FAF1: variants seen among roughly 807,000 people sequenced by gnomAD.
The protein encoded by FAF1 is Fas associated factor 1, also known as FAS-associated factor 1.
A neutral mutation model predicts 92.5 loss-of-function variants in FAF1; 25 were observed. The observed-to-expected ratio is 0.27, with a 90% confidence interval of 0.20 to 0.38. The LOEUF is 0.38. Among genes scored for constraint, FAF1 ranks in the 10% least tolerant of loss-of-function variants. The pLI, the probability that FAF1 is intolerant of heterozygous loss-of-function variation, is 1.00. For synonymous variants in FAF1, 234 were observed against 273.2 expected, an observed-to-expected ratio of 0.86 and a Z score of 1.42; for missense variants, 636 against 793.3, an observed-to-expected ratio of 0.80 and a Z score of 2.38.
intron 2 of FAF1, among the ~76,000 whole-genome samples, chr1:50,824,577 G>C (rs1644076175): frequency 6.6e-6 from 1 of 152,054 alleles, no homozygotes. Context: ...AAAAACTAAA[G>C]ACAGATTTAC....
intron 4 of FAF1, 37 bp downstream of exon 4, chr1:50,787,962 AT>A: frequency 6.5e-7 from 1 of 1,531,052 alleles, no homozygotes; most frequent in South Asian, 1.1e-5. Flanking sequence ...TTACCTAATT[AT>A]TTATTTGTGA....
intron 4 of FAF1, among the ~76,000 whole-genome samples, chr1:50,771,737 G>C (rs12569177): frequency 0.45 from 67,626 of 151,816 alleles, 16,019 homozygotes; most frequent in African/African-American, 0.58. Context: ...CCCTTCTCTA[G>C]TAAAAATACA....
intron 2 of FAF1, among the ~76,000 whole-genome samples, chr1:50,831,134 G>A (rs1280180662): frequency 6.6e-6 from 1 of 151,598 alleles, no homozygotes; most frequent in Admixed American, 6.6e-5. Context: ...ACAAAGCAGG[G>A]ATTTTTTTTT....
intron 4 of FAF1, among the ~76,000 whole-genome samples, chr1:50,756,886 C>T (rs917134222): frequency 2.6e-5 from 4 of 152,214 alleles, no homozygotes; most frequent in Non-Finnish European, 5.9e-5. Flanking sequence ...ACTCAATTAC[C>T]TCCCATCAGG....
intron 3 of FAF1, among the ~76,000 whole-genome samples, chr1:50,796,020 A>T (rs1052023447): frequency 6.6e-6 from 1 of 152,094 alleles, no homozygotes. Flanking sequence ...TCAAAAATGA[A>T]GGTGAAAGAT....
chr1:50,626,949 A>C (rs567678568), intron 8 of FAF1, among the ~76,000 whole-genome samples: 16 of 152,274 alleles, frequency 1.1e-4, no homozygotes, highest in African/African-American at 2.4e-4. Context: ...GAAATTAAGA[A>C]TAACTCTTAT....
intron 17 of FAF1, among the ~76,000 whole-genome samples, chr1:50,490,304 G>A (rs965144478): frequency 2.0e-5 from 3 of 151,816 alleles, no homozygotes; most frequent in Non-Finnish European, 4.4e-5. Context: ...AGGCTACAAC[G>A]AGCCGAGATG....
chr1:50,441,476 G>C lies in FAF1; in HGVS notation c.1917C>G (p.Phe639Leu). ...CTTCAAGGAAAAGGGTTTCTTGAGG[G>C]AACAACTTTACCTCCAATAATGATT... is the stretch of plus-strand genomic sequence containing the variant. ...PNKSLLEVKL[F>L]PQETLFLEAK... Residue 639 changes from phenylalanine to leucine, a missense_variant, in exon 19 of 19, where the codon TTC becomes TTG. By Grantham distance (22) the Phe-to-Leu change is conservative. Transcript: ENST00000396153. 1 of 1,545,378 alleles carries C rather than the reference G, an allele frequency of 6.5e-7. No individual in the cohort carries two copies. The highest frequency in any genetic ancestry group is 8.8e-7 in the Non-Finnish European group (1 of 1,142,114).
intron 17 of FAF1, among the ~76,000 whole-genome samples, chr1:50,487,368 A>T (rs1331138275): frequency 6.6e-6 from 1 of 152,170 alleles, no homozygotes; most frequent in African/African-American, 2.4e-5. Flanking sequence ...CTTGTGCTAG[A>T]TTATCTGTTG....
intron 2 of FAF1, among the ~76,000 whole-genome samples, chr1:50,819,374 G>A (rs1343270018): frequency 2.6e-5 from 4 of 151,502 alleles, no homozygotes; most frequent in Non-Finnish European, 5.9e-5. Context: ...CAGCACTTTG[G>A]GAGATTGAGG....
intron 8 of FAF1, among the ~76,000 whole-genome samples, chr1:50,631,547 A>C (rs948002004): frequency 6.6e-6 from 1 of 152,216 alleles, no homozygotes; most frequent in African/African-American, 2.4e-5. Flanking sequence ...CAGATATGAC[A>C]AAGAGAAGCC....
intron 1 of FAF1, among the ~76,000 whole-genome samples, chr1:50,936,209 C>T (rs1486247966): frequency 1.3e-5 from 2 of 152,154 alleles, no homozygotes; most frequent in Non-Finnish European, 2.9e-5. Context: ...GTAACATATA[C>T]TTCCTGGCTG....
intron 1 of FAF1, among the ~76,000 whole-genome samples, chr1:50,942,962 C>T (rs1645145449): frequency 1.3e-5 from 2 of 152,220 alleles, no homozygotes; most frequent in African/African-American, 4.8e-5. Flanking sequence ...TGCAAGCAAC[C>T]AGCCCTCTGG....
Position 50,475,347 on chromosome 1 carries a change from C to A in FAF1, c.1869+117G>T, listed in dbSNP as rs1233111688. 24 of 749,886 alleles carry A rather than the reference C, an allele frequency of 3.2e-5. No individual in the cohort carries two copies. In the Admixed American group the frequency reaches 5.0e-4, roughly 16 times the overall value. 46.5% of individuals were successfully genotyped at this position (749,886 alleles called of 1,614,324 possible). Reference sequence around the variant, plus strand: ...ATGGTGTGCAGAACAAAGAAGGACTCCTGTTTGTCTTGTAGTTGCCTGCAC... The same window carrying A: ...ATGGTGTGCAGAACAAAGAAGGACTACTGTTTGTCTTGTAGTTGCCTGCAC... On this transcript the variant is annotated intron_variant, in intron 18 of 18. Coordinates refer to ENST00000396153, the MANE Select transcript of FAF1 (RefSeq NM_007051.3).
chr1:50,480,292 G>T (rs992929953), intron 17 of FAF1, among the ~76,000 whole-genome samples: 1 of 152,052 alleles, frequency 6.6e-6, no homozygotes, highest in African/African-American at 2.4e-5. Flanking sequence ...TAAACAGAAA[G>T]AATAATACAC....
chr1:50,715,090 A>T (rs1658117082), intron 6 of FAF1: 1 of 376,976 alleles, frequency 2.7e-6, no homozygotes, highest in Admixed American at 3.4e-5. Flanking sequence ...AAGACTATTA[A>T]AACTAACAGT....
At chr1:50,875,309 T>C (rs1404206182) in intron 1 of FAF1, among the ~76,000 whole-genome samples, 1 of 152,138 alleles carries the variant, frequency 6.6e-6, no homozygotes, top group Non-Finnish European at 1.5e-5. Flanking sequence ...TCACGTACAA[T>C]ATAATGTTTT....
At chr1:50,562,144 T>C (rs544301215) in intron 13 of FAF1, among the ~76,000 whole-genome samples, 2 of 152,350 alleles carry the variant, frequency 1.3e-5, no homozygotes, top group Admixed American at 1.3e-4. Flanking sequence ...AGCTAAGCAC[T>C]CATTCATTAA....
At chr1:50,751,352 T>G (rs1375275385) in intron 4 of FAF1, among the ~76,000 whole-genome samples, 1 of 152,136 alleles carries the variant, frequency 6.6e-6, no homozygotes, top group Non-Finnish European at 1.5e-5. Context: ...TTGTTTGTTT[T>G]GAGATGGAGT....
Sources: gnomAD v4.1 joint callset for allele counts (sites outside exome capture counted in the v4.1 genomes callset) on GRCh38, gnomAD v4.1.1 for gene constraint, MANE v1.5 for transcripts, NCBI Gene and HGNC (gene_info 2026-07-23, HGNC 2026-07-21) for gene names.